The following FZR1 variants were observed in gnomAD, a reference collection of about 807,000 sequenced individuals.
FZR1 encodes the protein fizzy and cell division cycle 20 related 1.
FZR1 carries 11 observed loss-of-function variants against 63.6 expected under a neutral mutation model. That is an observed-to-expected ratio of 0.17 (90% CI 0.11 to 0.29). The LOEUF is 0.29. FZR1 is among the 10% of genes least tolerant of loss of function. The pLI, the probability that FZR1 is intolerant of heterozygous loss-of-function variation, is 1.00. For missense variants in FZR1, 440 were observed against 687.5 expected, an observed-to-expected ratio of 0.64 and a Z score of 4.03; for synonymous variants, 328 against 297.9, an observed-to-expected ratio of 1.10 and a Z score of -1.04.
Position 3,526,509 on chromosome 19 carries a change from C to T in FZR1, c.387+123C>T. 1.4e-6 allele frequency: 1 copy of T among 721,952 alleles called. No individual in the cohort carries two copies. 44.7% of individuals were successfully genotyped at this position (721,952 alleles called of 1,614,324 possible). A position where few individuals can be genotyped will look rare whatever the true frequency, so the allele number is the denominator to read the frequency against. On this transcript the variant is annotated intron_variant, in intron 5 of 13. Transcript: ENST00000441788. This position sits in a 1 kb window ranked among gnomAD's most constrained non-coding sequence, Gnocchi z 5.4. ...TCTCGGGCCCAGCCACGGCTCAGCA[C>T]CCCCGCCCTGACCCTGTTCCTTAGC...
rs1568240986 is a variant in FZR1, at chr19:3,533,225, G to C, written c.1243-69G>C. ...CTCACATGGGCTCAGGCGGGTGCAT[G>C]TGAGGCAGCAGGCATAGCACCCGGC... is the stretch of plus-strand genomic sequence containing the variant. On this transcript the variant is annotated intron_variant, in intron 11 of 13. Coordinates refer to ENST00000441788, the MANE Select transcript of FZR1 (RefSeq NM_016263.4). The surrounding 1 kb of genome is among the most constrained non-coding windows in gnomAD (Gnocchi z 4.9). 2.1e-6 allele frequency: 2 copies of C among 951,130 alleles called. No homozygotes were observed. Among genetic ancestry groups the C allele is most frequent in the African/African-American group, 1.6e-5 (1 of 62,488 alleles). The allele number at this position is 951,130 out of a possible 1,614,324, so 58.9% of individuals were successfully genotyped here. A position where few individuals can be genotyped will look rare whatever the true frequency, so the allele number is the denominator to read the frequency against.
At chr19:3,511,126 T>TG (rs1425872433) in intron 1 of FZR1, among the ~76,000 whole-genome samples, 1 of 152,214 alleles carries the variant, frequency 6.6e-6, no homozygotes, top group Admixed American at 6.5e-5. Flanking sequence ...CCTCCTCACG[T>TG]GGGGCACTGC....
rs142930952 is a variant in FZR1, at chr19:3,527,784, C to T, written c.624C>T (p.Cys208=). 262 of 1,612,310 alleles carry T rather than the reference C, an allele frequency of 1.6e-4. No individual in the cohort carries two copies. The highest frequency in any genetic ancestry group is 2.2e-4 in the Non-Finnish European group (257 of 1,179,526). The part of the protein sequence containing the change: ...LNVLSVGLGT[C]VYLWSACTSQ... ...TGCTCAGCGTGGGGCTAGGCACCTGCGTGTACCTGTGGAGTGCCTGTACCA... is the reference window on the plus strand; with the variant it reads ...TGCTCAGCGTGGGGCTAGGCACCTGTGTGTACCTGTGGAGTGCCTGTACCA... Residue 208 remains cysteine (C), a synonymous_variant, in exon 7 of 14, where the codon TGC becomes TGT. Coordinates refer to ENST00000441788, the MANE Select transcript of FZR1 (RefSeq NM_016263.4).
chr19:3,507,601 A>C lies in FZR1; in HGVS notation c.-35+1127A>C, dbSNP rs77225767. ...CGTGGTGAGGCCCCCACCCCAACCT[A>C]TGTGCTTTGAAGGAGGGTGATTTAC... On this transcript the variant is annotated intron_variant, in intron 1 of 13. Transcript: ENST00000441788. 8.0e-4 allele frequency among the ~76,000 whole-genome samples: 122 copies of C among 151,862 alleles called. No homozygotes were observed. In the East Asian group the frequency reaches 0.02, roughly 24 times the overall value.
chr19:3,528,078 C>T (rs1018291105), intron 7 of FZR1, among the ~76,000 whole-genome samples: 10 of 152,058 alleles, frequency 6.6e-5, no homozygotes, highest in Non-Finnish European at 1.5e-4. Flanking sequence ...ACTGCCCTCC[C>T]AGCCAGCAGT....
intron 1 of FZR1, among the ~76,000 whole-genome samples, chr19:3,520,880 T>C (rs1415708388): frequency 6.6e-6 from 1 of 152,236 alleles, no homozygotes; most frequent in Non-Finnish European, 1.5e-5. Flanking sequence ...AGCCAGTGCA[T>C]GCCTCAGGTG....
rs760310599 is a variant in FZR1, at chr19:3,531,979, A to G, written c.892A>G (p.Ile298Val). Residue 298 changes from isoleucine to valine, a missense_variant, in exon 10 of 14, where the codon ATC becomes GTC. Ile to Val is a conservative substitution (Grantham distance 29). Transcript: ENST00000441788. Reference protein sequence around the residue: ...SRDRMILQRDIRTPPLQSERR... With the variant: ...SRDRMILQRDVRTPPLQSERR... ...CGACCGCATGATCCTGCAGAGGGAC[A>G]TCCGCACCCCGCCACTGCAGTCGGA... is the stretch of plus-strand genomic sequence containing the variant. 9 of 1,569,492 alleles carry G rather than the reference A, an allele frequency of 5.7e-6. No homozygotes were observed. In the South Asian group the frequency reaches 8.0e-5, roughly 14 times the overall value.
At chr19:3,532,952 A>C (rs1284977003) in intron 11 of FZR1, among the ~76,000 whole-genome samples, 1 of 151,722 alleles carries the variant, frequency 6.6e-6, no homozygotes, top group Non-Finnish European at 1.5e-5. Context: ...GCCCAGGATG[A>C]AGCGGGCTCC....
chr19:3,524,355 G>A (rs1193719683), intron 2 of FZR1, among the ~76,000 whole-genome samples: 1 of 152,210 alleles, frequency 6.6e-6, no homozygotes, highest in Non-Finnish European at 1.5e-5. Flanking sequence ...GATGGGGGAG[G>A]AGCGGGCATT....
chr19:3,512,196 GT>G (rs2083029150), intron 1 of FZR1, among the ~76,000 whole-genome samples: 1 of 152,230 alleles, frequency 6.6e-6, no homozygotes, highest in South Asian at 2.1e-4. Flanking sequence ...GCAGGGAGCA[GT>G]CTGGGGACCT....
chr19:3,519,183 A>T (rs1055299574), intron 1 of FZR1, among the ~76,000 whole-genome samples: 5 of 152,186 alleles, frequency 3.3e-5, no homozygotes, highest in African/African-American at 1.2e-4. Flanking sequence ...GTGTCTGGGG[A>T]AGCCCCGTCC....
chr19:3,513,103 T>A (rs2083035351), intron 1 of FZR1, among the ~76,000 whole-genome samples: 1 of 151,866 alleles, frequency 6.6e-6, no homozygotes, highest in Non-Finnish European at 1.5e-5. Flanking sequence ...TCACAGGTGG[T>A]CTGGGGACAC....
intron 1 of FZR1, among the ~76,000 whole-genome samples, chr19:3,518,614 G>T (rs2083076243): frequency 6.6e-6 from 1 of 152,210 alleles, no homozygotes. Flanking sequence ...GTCTTGGGGA[G>T]ACTGTCCTGT....
In FZR1 at chr19:3,535,815, A is replaced by C. The variant is rs2122041245; in HGVS notation, c.*979A>C. Reference sequence around the variant, plus strand: ...GCCTGTGTCTTCACCTGTCCTGTCCACCAGCGCCAACAGCCGTGGGGAAGC... The same window carrying C: ...GCCTGTGTCTTCACCTGTCCTGTCCCCCAGCGCCAACAGCCGTGGGGAAGC... On this transcript the variant is annotated 3_prime_UTR_variant, in exon 14 of 14. Coordinates refer to ENST00000441788, the MANE Select transcript of FZR1 (RefSeq NM_016263.4). 1 of 152,386 alleles carries C rather than the reference A, an allele frequency of 6.6e-6. No homozygotes were observed. The highest frequency in any genetic ancestry group is 1.9e-4 in the East Asian group (1 of 5,184). The allele number at this position is 152,386 out of a possible 1,614,324, so 9.4% of individuals were successfully genotyped here.
intron 1 of FZR1, among the ~76,000 whole-genome samples, chr19:3,519,991 G>A (rs1019624893): frequency 2.7e-5 from 4 of 146,590 alleles, no homozygotes; most frequent in East Asian, 2.0e-4. Context: ...CAGGATCTGC[G>A]TAGATTCCCT....
rs927031446 is a variant in FZR1, at chr19:3,526,899, C to T, written c.388-81C>T. 2 of 956,604 alleles carry T rather than the reference C, an allele frequency of 2.1e-6. No homozygotes were observed. The highest frequency in any genetic ancestry group is 1.7e-5 in the Admixed American group (1 of 57,872). The allele number at this position is 956,604 out of a possible 1,614,324, so 59.3% of individuals were successfully genotyped here. ...ACCTGCCTTAGGGCTATGAGCTGTA[C>T]CGGGAGCGTGGGCTGCTGGGGGGCT... is the stretch of plus-strand genomic sequence containing the variant. On this transcript the variant is annotated intron_variant, in intron 5 of 13. Transcript: ENST00000441788. The surrounding 1 kb of genome is among the most constrained non-coding windows in gnomAD (Gnocchi z 5.4).
At position 3,526,080 on chromosome 19, in the gene FZR1, G is replaced by A. The variant is rs375691374; in HGVS notation, c.196-40G>A. On this transcript the variant is annotated intron_variant, in intron 3 of 13. Coordinates refer to ENST00000441788, the MANE Select transcript of FZR1 (RefSeq NM_016263.4). This position sits in a 1 kb window ranked among gnomAD's most constrained non-coding sequence, Gnocchi z 5.4. The stretch of plus-strand genomic sequence containing the variant: ...CCTTGCTCTAGGGCCGGGAACAAGC[G>A]GGCTCCTCGACCCCTCCCTCTCTGC... The A allele has an allele frequency of 1.4e-5, 23 of 1,611,516 alleles. 1 individual carries two copies. Among genetic ancestry groups the A allele is most frequent in the African/African-American group, 1.1e-4 (8 of 74,874 alleles).
rs72976610 is a variant in FZR1, at chr19:3,524,677, C to T, written c.70-1191C>T. ...CCTGGGGGTCCGGAGTCGGAGGTCA[C>T]GGTGTGGGCAGGGCCACGCTTCCTC... On this transcript the variant is annotated intron_variant, in intron 2 of 13. Transcript: ENST00000441788. 3.6e-3 allele frequency among the ~76,000 whole-genome samples: 547 copies of T among 152,214 alleles called. 3 individuals are homozygous for T. The highest frequency in any genetic ancestry group is 6.6e-3 in the Non-Finnish European group (449 of 68,010).
In FZR1 at chr19:3,515,425, T is replaced by C. The variant is rs910832407; in HGVS notation, c.-34-7531T>C. ...ATCCGGAGCCTGCCTGGCCCATCTC[T>C]GACCGTGGTTTGTTTTTTTGAATAC... On this transcript the variant is annotated intron_variant, in intron 1 of 13. Coordinates refer to ENST00000441788, the MANE Select transcript of FZR1 (RefSeq NM_016263.4). This position sits in a 1 kb window ranked among gnomAD's most constrained non-coding sequence, Gnocchi z 4.6. Among the ~76,000 whole-genome samples, 2 of 150,992 alleles carry C rather than the reference T, an allele frequency of 1.3e-5. No homozygotes were observed. The highest frequency in any genetic ancestry group is 2.5e-5 in the African/African-American group (1 of 40,324).
Sources: gnomAD v4.1 joint callset for allele counts (sites outside exome capture counted in the v4.1 genomes callset) on GRCh38, gnomAD v4.1.1 for gene constraint, Gnocchi (gnomAD v3.1) non-coding constraint, MANE v1.5 for transcripts, NCBI Gene and HGNC (gene_info 2026-07-23, HGNC 2026-07-21) for gene names.